The following ABCC5 variants were observed in gnomAD, a reference collection of about 807,000 sequenced individuals.
ABCC5 encodes the protein ATP binding cassette subfamily C member 5, also known as ATP-binding cassette sub-family C member 5.
Under a neutral mutation model 160.9 loss-of-function variants are expected in ABCC5, and 61 were observed. That is an observed-to-expected ratio of 0.38 (90% CI 0.31 to 0.47). The LOEUF is 0.47. ABCC5 is among the 20% of genes least tolerant of loss of function. ABCC5 has a pLI of 0.99. For missense variants in ABCC5, 1,308 were observed against 1,813.3 expected (o/e 0.72, Z 5.06); for synonymous variants, 666 against 700.6 (o/e 0.95, Z 0.78).
At chr3:183,985,645 C>A (rs1489988243) in intron 5 of ABCC5, 2 of 496,894 alleles carry the variant, frequency 4.0e-6, no homozygotes, top group East Asian at 4.0e-5. Flanking sequence ...GAGGCCTGGT[C>A]TTTTAGAACT....
Position 183,951,294 on chromosome 3 carries a change from C to A in ABCC5, c.2944+147G>T. 2 of 1,019,166 alleles carry A rather than the reference C, an allele frequency of 2.0e-6. No individual in the cohort carries two copies. The highest frequency in any genetic ancestry group is 2.9e-5 in the Admixed American group (1 of 34,494). The allele number at this position is 1,019,166 out of a possible 1,614,324, so 63.1% of individuals were successfully genotyped here. A position where few individuals can be genotyped will look rare whatever the true frequency, so the allele number is the denominator to read the frequency against. On this transcript the variant is annotated intron_variant, in intron 20 of 29. Transcript: ENST00000334444. The surrounding 1 kb of genome is among the most constrained non-coding windows in gnomAD (Gnocchi z 4.7). ...TTCAGGTCAAACAAGACAGAAAATG[C>A]AGTTGCAATGTTCCTGGTGAAAACA...
intron 29 of ABCC5, among the ~76,000 whole-genome samples, chr3:183,922,903 C>A (rs1468258722): frequency 6.6e-6 from 1 of 151,850 alleles, no homozygotes; most frequent in African/African-American, 2.4e-5. Flanking sequence ...AAGGTGAGTA[C>A]TGGCTGAGAG....
chr3:183,952,058 C>T, intron 18 of ABCC5, 55 bp from the exon 19 acceptor site: 3 of 1,565,828 alleles, frequency 1.9e-6, no homozygotes, highest in Non-Finnish European at 1.7e-6. Flanking sequence ...CCAAGAGCCC[C>T]TGCTCAGCGC....
chr3:183,984,229 C>T, intron 5 of ABCC5: 1 of 985,608 alleles, frequency 1.0e-6, no homozygotes, highest in Non-Finnish European at 1.2e-6. Context: ...CAAGGAAAAA[C>T]TGGTGGCATC....
Position 183,949,917 on chromosome 3 carries a change from C to T in ABCC5, c.3099-36G>A. The T allele has an allele frequency of 1.2e-6, 2 of 1,614,012 alleles. No individual in the cohort carries two copies. Among genetic ancestry groups the T allele is most frequent in the Admixed American group, 1.7e-5 (1 of 60,018 alleles). ...AATGAGCTCCGTGTCACAGCACCTA[C>T]CCAGCAACTGAGGCTTCTCCGTGGC... On this transcript the variant is annotated intron_variant, in intron 21 of 29. Coordinates refer to ENST00000334444, the MANE Select transcript of ABCC5 (RefSeq NM_005688.4). This position sits in a 1 kb window ranked among gnomAD's most constrained non-coding sequence, Gnocchi z 4.2.
chr3:183,964,059 G>A (rs1717012582), intron 14 of ABCC5, among the ~76,000 whole-genome samples: 1 of 152,116 alleles, frequency 6.6e-6, no homozygotes, highest in African/African-American at 2.4e-5. Flanking sequence ...TCCACATCCT[G>A]GGACCTAAGC....
rs138825960 is a variant in ABCC5 at position 183,947,689 on chromosome 3, G to A, written c.3228-179C>T. 5.4e-4 allele frequency among the ~76,000 whole-genome samples: 82 copies of A among 152,160 alleles called. No individual in the cohort carries two copies. The East Asian group carries it at 0.01, about 19-fold the overall frequency. ...AGGAATTCTGGAGGTATTCTAGGCCGCATGCATAGGAGGACATTAAGTTTT... is the reference window on the plus strand; with the variant it reads ...AGGAATTCTGGAGGTATTCTAGGCCACATGCATAGGAGGACATTAAGTTTT... On this transcript the variant is annotated intron_variant, in intron 22 of 29. Transcript: ENST00000334444.
chr3:183,950,103 C>T lies in ABCC5; in HGVS notation c.2967G>A (p.Gln989=). 1 of 1,613,838 alleles carries T rather than the reference C, an allele frequency of 6.2e-7. No homozygotes were observed. Among genetic ancestry groups the T allele is most frequent in the African/African-American group, 1.3e-5 (1 of 74,986 alleles). ...MDEVDVRLPF[Q]AEMFIQNVIL... Reference sequence around the variant, plus strand: ...TAACGTTCTGGATGAACATCTCGGCCTGGAACGGCAGCCGCACGTCAACTG... The same window carrying T: ...TAACGTTCTGGATGAACATCTCGGCTTGGAACGGCAGCCGCACGTCAACTG... Residue 989 remains glutamine (Q), a synonymous_variant, in exon 21 of 30, where the codon CAG becomes CAA. Transcript: ENST00000334444.
rs75173162 is a variant in ABCC5, at chr3:183,959,589, A to G, written c.2482+144T>C. On this transcript the variant is annotated intron_variant, in intron 17 of 29. Coordinates refer to ENST00000334444, the MANE Select transcript of ABCC5 (RefSeq NM_005688.4). ...GTGCCTCGTGGTCTCCCAGTATTAT[A>G]TAAGAACTTTGTTTTCCAGAAATGT... is the stretch of plus-strand genomic sequence containing the variant. 1,174 of 654,862 alleles carry G rather than the reference A, an allele frequency of 1.8e-3. 19 individuals carry two copies. In the East Asian group the frequency reaches 0.033, roughly 19 times the overall value. 40.6% of individuals were successfully genotyped at this position (654,862 alleles called of 1,614,324 possible). A position where few individuals can be genotyped will look rare whatever the true frequency, so the allele number is the denominator to read the frequency against.
intron 24 of ABCC5, among the ~76,000 whole-genome samples, chr3:183,945,048 C>T (rs1005664683): frequency 7.9e-5 from 12 of 152,306 alleles, no homozygotes; most frequent in Admixed American, 5.9e-4. Context: ...TCCTGCTCTG[C>T]CATGGGAAGA....
chr3:183,984,795 AG>A (rs1719053126), intron 5 of ABCC5: 2 of 1,570,360 alleles, frequency 1.3e-6, no homozygotes, highest in Non-Finnish European at 1.7e-6. Flanking sequence ...ACAGGGCCAA[AG>A]CCCCCTTTTC....
chr3:183,951,793 G>A lies in ABCC5; in HGVS notation c.2814+64C>T, dbSNP rs1178045056. The A allele has an allele frequency of 7.0e-6, 11 of 1,579,224 alleles. No individual in the cohort carries two copies. The highest frequency in any genetic ancestry group is 2.3e-5 in the East Asian group (1 of 44,310). On this transcript the variant is annotated intron_variant, in intron 19 of 29. Coordinates refer to ENST00000334444, the MANE Select transcript of ABCC5 (RefSeq NM_005688.4). The surrounding 1 kb of genome is among the most constrained non-coding windows in gnomAD (Gnocchi z 4.7). ...CCCTACTCAGCATGAACTGAGAGAC[G>A]CCACACCAAAGCCTGACCACAGGTC... is the stretch of plus-strand genomic sequence containing the variant.
At chr3:183,964,716 A>G (rs1395894253) in intron 14 of ABCC5, among the ~76,000 whole-genome samples, 1 of 152,254 alleles carries the variant, frequency 6.6e-6, no homozygotes, top group Non-Finnish European at 1.5e-5. Context: ...AAGTTTTAAC[A>G]CTGAAGAGCA....
Position 183,953,156 on chromosome 3 carries a change from A to G in ABCC5, c.2597T>C (p.Phe866Ser). The G allele has an allele frequency of 6.2e-7, 1 of 1,614,134 alleles. No homozygotes were observed. Among genetic ancestry groups the G allele is most frequent in the Non-Finnish European group, 8.5e-7 (1 of 1,180,006 alleles). ...PLAFLVIMAL[F>S]MLNVGSTAFS... The stretch of plus-strand genomic sequence containing the variant: ...GGCGGTGCTGCCTACATTCAGCATG[A>G]AAAGGGCCATAATAACCAGGAATGC... Residue 866 changes from phenylalanine (F) to serine (S), a missense_variant, in exon 18 of 30, where the codon TTC (phenylalanine) becomes TCC (serine). Phe to Ser is a radical substitution (Grantham distance 155, BLOSUM62 -2). This residue lies in a region of ABCC5 where 1,142 missense variants were observed against 1,527.1 expected (regional missense o/e 0.75). Transcript: ENST00000334444.
At chr3:184,000,248 G>A (rs986851375) in intron 2 of ABCC5, among the ~76,000 whole-genome samples, 5 of 151,942 alleles carry the variant, frequency 3.3e-5, no homozygotes, top group Non-Finnish European at 5.9e-5. Context: ...GGAAGCTGAG[G>A]TGGGAGGATC....
rs1322286021 is a variant in ABCC5, at chr3:183,927,437, G to C, written c.3940C>G (p.Gln1314Glu). 1 of 1,612,060 alleles carries C rather than the reference G, an allele frequency of 6.2e-7. No homozygotes were observed. The highest frequency in any genetic ancestry group is 1.1e-5 in the South Asian group (1 of 90,592). ...TCAGATTCAAGTTTCAGAGGTAGCT[G>C]AGCAATCTAGGGAGAAAGAAACTAG... ...ERTHMKECIA[Q>E]LPLKLESEVM... Residue 1314 changes from glutamine to glutamate, a missense_variant, in exon 28 of 30, where the codon CAG becomes GAG. Transcript: ENST00000334444.
chr3:183,950,184 T>G, intron 20 of ABCC5, 59 bp from the exon 21 acceptor site: 1 of 1,535,836 alleles, frequency 6.5e-7, no homozygotes, highest in Non-Finnish European at 8.7e-7. Context: ...AACTGAAAAT[T>G]GAAAAAAACA....
At chr3:183,941,424 C>T (rs1015432692) in intron 25 of ABCC5, among the ~76,000 whole-genome samples, 10 of 151,974 alleles carry the variant, frequency 6.6e-5, no homozygotes, top group Admixed American at 2.0e-4. Flanking sequence ...CTTGTTTTGA[C>T]GTGAAGTAAT....
chr3:183,943,111 G>A (rs189345774), intron 24 of ABCC5, among the ~76,000 whole-genome samples, 195 bp from the exon 25 acceptor site: 1 of 152,294 alleles, frequency 6.6e-6, no homozygotes, highest in East Asian at 1.9e-4. Context: ...AGAGCACAAT[G>A]GCTAAGTGTC....
Sources: gnomAD v4.1 joint callset for allele counts (sites outside exome capture counted in the v4.1 genomes callset) on GRCh38, gnomAD v4.1.1 for gene constraint, gnomAD v4.1.1 regional missense constraint, Gnocchi (gnomAD v3.1) non-coding constraint, MANE v1.5 for transcripts, NCBI Gene and HGNC (gene_info 2026-07-23, HGNC 2026-07-21) for gene names.